The following NCAPG2 variants were observed in gnomAD, a reference collection of about 807,000 sequenced individuals.
NCAPG2 encodes the protein condensin-2 complex subunit G2.
In NCAPG2, 53 loss-of-function variants were observed where a neutral mutation model predicts 141.1. That is an observed-to-expected ratio of 0.38 (90% CI 0.30 to 0.47). NCAPG2 has a LOEUF of 0.47. NCAPG2 is among the 20% of genes least tolerant of loss of function. The pLI, the probability that NCAPG2 is intolerant of heterozygous loss-of-function variation, is 0.99. For missense variants in NCAPG2, 1,087 were observed against 1,389.0 expected, an observed-to-expected ratio of 0.78 and a Z score of 3.46; for synonymous variants, 499 against 490.7, an observed-to-expected ratio of 1.02 and a Z score of -0.22.
chr7:158,658,273 A>T (rs12533939), intron 17 of NCAPG2, 65 bp downstream of exon 17: 846,660 of 1,422,564 alleles, frequency 0.6, 254,798 homozygotes, highest in Non-Finnish European at 0.61. Flanking sequence ...ACATGAATTA[A>T]TAATTCAGCA....
At chr7:158,649,045 G>A (rs1004113163) in intron 24 of NCAPG2, among the ~76,000 whole-genome samples, 31 of 152,242 alleles carry the variant, frequency 2.0e-4, no homozygotes, top group African/African-American at 7.0e-4. Context: ...ATGTGGGGGT[G>A]AGGTTTTAAA....
intron 13 of NCAPG2, chr7:158,665,171 G>A (rs1329359197): frequency 5.8e-6 from 1 of 171,236 alleles, no homozygotes; most frequent in Non-Finnish European, 1.3e-5. Flanking sequence ...CTAAGAGGCT[G>A]GGGCATCACT....
At chr7:158,672,394 G>A (rs1199336010) in intron 12 of NCAPG2, among the ~76,000 whole-genome samples, 3 of 129,648 alleles carry the variant, frequency 2.3e-5, no homozygotes, top group Non-Finnish European at 4.6e-5. Context: ...CCAGGCTGGA[G>A]TGCAGGGGCA....
At chr7:158,670,326 G>T (rs1224244142) in intron 13 of NCAPG2, among the ~76,000 whole-genome samples, 1 of 152,192 alleles carries the variant, frequency 6.6e-6, no homozygotes, top group Non-Finnish European at 1.5e-5. Context: ...AGCACTTTGG[G>T]AGGCCAAGGT....
intron 2 of NCAPG2, among the ~76,000 whole-genome samples, chr7:158,694,848 ACT>A (rs1835347891): frequency 2.0e-5 from 3 of 149,596 alleles, no homozygotes; most frequent in African/African-American, 4.9e-5. Context: ...ACTTCTATCT[ACT>A]CTCTTTCCTC....
intron 8 of NCAPG2, among the ~76,000 whole-genome samples, chr7:158,685,777 C>A (rs1429962008): frequency 6.6e-6 from 1 of 152,212 alleles, no homozygotes; most frequent in Non-Finnish European, 1.5e-5. Flanking sequence ...CCTAATACAT[C>A]CAAACCACTA....
At chr7:158,671,305 CTTACA>C (rs1833668530) in intron 13 of NCAPG2, among the ~76,000 whole-genome samples, 1 of 152,196 alleles carries the variant, frequency 6.6e-6, no homozygotes, top group Non-Finnish European at 1.5e-5. Context: ...GGCAGGGGTG[CTTACA>C]TTAATGTCTT....
At chr7:158,675,862 G>A (rs1295333265) in intron 11 of NCAPG2, among the ~76,000 whole-genome samples, 3 of 152,172 alleles carry the variant, frequency 2.0e-5, no homozygotes, top group African/African-American at 7.2e-5. Context: ...AACATGGGGT[G>A]CCTCATGTGC....
intron 2 of NCAPG2, among the ~76,000 whole-genome samples, chr7:158,697,738 C>T (rs1473169127): frequency 6.6e-6 from 1 of 151,990 alleles, no homozygotes; most frequent in African/African-American, 2.4e-5. Context: ...GGTACATATA[C>T]ACCATGGAAT....
In NCAPG2 at chr7:158,681,091, T is replaced by C. The variant is rs530100587; in HGVS notation, c.925-275A>G. Among the ~76,000 whole-genome samples, 4 of 152,368 alleles carry C rather than the reference T, an allele frequency of 2.6e-5. No homozygotes were observed. The East Asian group carries it at 5.8e-4, about 22-fold the overall frequency. ...TGGTTTGGGTTCTAGTTTCTGCTAT[T>C]CTGCCAACAGCCACATAACCTCAAA... is the stretch of plus-strand genomic sequence containing the variant. On this transcript the variant is annotated intron_variant, in intron 9 of 27. Coordinates refer to ENST00000356309, the MANE Select transcript of NCAPG2 (RefSeq NM_017760.7).
In NCAPG2 at chr7:158,673,399, A is replaced by G. The variant is rs558818690; in HGVS notation, c.1327-1733T>C. The stretch of plus-strand genomic sequence containing the variant: ...CTGGGGCTGCTGAGCTGCCCTCGCC[A>G]TCAGCATGCTTGGGGATGGCCTCCT... On this transcript the variant is annotated intron_variant, in intron 12 of 27. Transcript: ENST00000356309. Among the ~76,000 whole-genome samples the G allele has an allele frequency of 3.9e-5, 6 of 152,314 alleles. No individual in the cohort carries two copies. In the East Asian group the frequency reaches 1.2e-3, roughly 29 times the overall value.
chr7:158,669,608 A>T (rs528084748), intron 13 of NCAPG2, among the ~76,000 whole-genome samples: 484 of 145,090 alleles, frequency 3.3e-3, no homozygotes, highest in Non-Finnish European at 5.0e-3. Context: ...ACTAAAATTT[A>T]AAAAAAAAAA....
At chr7:158,676,449 CA>C (rs1258487686) in intron 11 of NCAPG2, among the ~76,000 whole-genome samples, 3 of 152,118 alleles carry the variant, frequency 2.0e-5, no homozygotes, top group Admixed American at 6.5e-5. Flanking sequence ...AACATTCAAA[CA>C]AAACGAGAAA....
chr7:158,664,047 T>C, intron 15 of NCAPG2, 137 bp downstream of exon 15: 1 of 710,866 alleles, frequency 1.4e-6, no homozygotes, highest in Non-Finnish European at 2.4e-6. Context: ...AAATGTTATT[T>C]ATGACCTTCC....
intron 7 of NCAPG2, among the ~76,000 whole-genome samples, chr7:158,687,018 C>T (rs983671621): frequency 2.0e-5 from 3 of 152,128 alleles, no homozygotes; most frequent in Admixed American, 1.3e-4. Context: ...AGAAGCCACC[C>T]TGGCCAGGCC....
At chr7:158,673,526 T>G (rs562747339) in intron 12 of NCAPG2, among the ~76,000 whole-genome samples, 4 of 152,370 alleles carry the variant, frequency 2.6e-5, no homozygotes, top group African/African-American at 9.6e-5. Context: ...CCTGTGGGTC[T>G]GCACGAGGCT....
chr7:158,658,691 T>C (rs1832217523), intron 16 of NCAPG2, among the ~76,000 whole-genome samples: 1 of 152,210 alleles, frequency 6.6e-6, no homozygotes, highest in Admixed American at 6.5e-5. Context: ...CCTGGGAATA[T>C]GCCAGTAAGC....
At chr7:158,642,200 GCA>G (rs1289652590) in intron 27 of NCAPG2, among the ~76,000 whole-genome samples, 1 of 152,118 alleles carries the variant, frequency 6.6e-6, no homozygotes, top group Admixed American at 6.6e-5. Context: ...AAAAATGACA[GCA>G]CAGTTTATCA....
intron 16 of NCAPG2, among the ~76,000 whole-genome samples, chr7:158,661,730 T>C (rs1231759629): frequency 6.6e-6 from 1 of 152,196 alleles, no homozygotes; most frequent in East Asian, 1.9e-4. Flanking sequence ...AAAATAAATT[T>C]TTTTAAAAAA....
Sources: allele counts gnomAD v4.1 joint callset (sites outside exome capture counted in the v4.1 genomes callset), GRCh38; gene constraint gnomAD v4.1.1; transcripts MANE v1.5; gene names NCBI Gene and HGNC (gene_info 2026-07-23, HGNC 2026-07-21).